PTK2B: variants seen among roughly 807,000 people sequenced by gnomAD.
PTK2B encodes the protein protein-tyrosine kinase 2-beta.
A neutral mutation model predicts 142.9 loss-of-function variants in PTK2B; 71 were observed. The ratio of observed to expected loss-of-function variants is 0.50; its 90% CI spans 0.41 to 0.61. The LOEUF (loss-of-function observed/expected upper bound fraction) is 0.61, where lower values mean the gene tolerates loss of function less well. PTK2B is among the 20% of genes least tolerant of loss of function. PTK2B has a pLI of 0.00. For missense variants in PTK2B, 1,105 were observed against 1,320.4 expected, an observed-to-expected ratio of 0.84 and a Z score of 2.53; for synonymous variants, 519 against 503.4, an observed-to-expected ratio of 1.03 and a Z score of -0.42.
At chr8:27,382,101 C>T (rs1005396011) in intron 1 of PTK2B, among the ~76,000 whole-genome samples, 1 of 152,126 alleles carries the variant, frequency 6.6e-6, no homozygotes, top group African/African-American at 2.4e-5. Context: ...AGGTGCACCA[C>T]CATGCCCAGC....
intron 1 of PTK2B, among the ~76,000 whole-genome samples, chr8:27,367,204 T>C (rs1806067841): frequency 6.6e-6 from 1 of 152,214 alleles, no homozygotes; most frequent in African/African-American, 2.4e-5. Flanking sequence ...ATGAATGGAC[T>C]CATTTGGAAA....
intron 30 of PTK2B, 75 bp downstream of exon 30, chr8:27,454,686 A>G: frequency 6.6e-7 from 1 of 1,507,036 alleles, no homozygotes; most frequent in Non-Finnish European, 9.1e-7. Flanking sequence ...GAGGCTCATG[A>G]TGGCTGCCTG....
intron 5 of PTK2B, among the ~76,000 whole-genome samples, chr8:27,427,864 G>A (rs1477852903): frequency 6.6e-6 from 1 of 152,126 alleles, no homozygotes; most frequent in Non-Finnish European, 1.5e-5. Flanking sequence ...CCAACCTTTT[G>A]GGCACCAGGG....
chr8:27,390,826 C>T (rs1286762243), intron 1 of PTK2B, among the ~76,000 whole-genome samples: 1 of 152,136 alleles, frequency 6.6e-6, no homozygotes, highest in African/African-American at 2.4e-5. Context: ...ATAGTGACCT[C>T]ATGCCCCAAT....
chr8:27,405,943 A>G (rs1183738356), intron 2 of PTK2B, among the ~76,000 whole-genome samples: 7 of 152,208 alleles, frequency 4.6e-5, no homozygotes, highest in Non-Finnish European at 1.0e-4. Flanking sequence ...TCAGTTTTCT[A>G]TGGCTGCCAC....
chr8:27,442,711 CAG>C (rs1491437937), intron 21 of PTK2B, among the ~76,000 whole-genome samples, 162 bp from the exon 22 acceptor site: 1 of 152,212 alleles, frequency 6.6e-6, no homozygotes, highest in Non-Finnish European at 1.5e-5. Flanking sequence ...AAGCCTGTCT[CAG>C]GGGGCTCTCC....
intron 1 of PTK2B, among the ~76,000 whole-genome samples, chr8:27,384,584 A>G (rs2131181900): frequency 6.6e-6 from 1 of 152,382 alleles, no homozygotes; most frequent in Admixed American, 6.5e-5. Context: ...CTACAAACAC[A>G]AGAAAAGGTA....
exon 2 of PTK2B, chr8:27,312,354 A>G (rs895691408): frequency 6.6e-6 from 1 of 152,180 alleles, no homozygotes; most frequent in African/African-American, 2.4e-5. Context: ...GTCTCTCCAA[A>G]GATCTGGCAG....
chr8:27,332,688 C>T (rs1371241657), intron 1 of PTK2B, among the ~76,000 whole-genome samples: 8 of 152,096 alleles, frequency 5.3e-5, no homozygotes, highest in Non-Finnish European at 1.5e-5. Flanking sequence ...CTCAAGCAAT[C>T]CTCCGGCCTC....
In PTK2B at chr8:27,437,184, G is replaced by A; in HGVS notation, c.1404G>A (p.Lys468=). The change falls in exon 16 of 31, where the codon AAG becomes AAA. Residue 468 remains lysine, a synonymous_variant. Coordinates refer to ENST00000346049, the MANE Select transcript of PTK2B (RefSeq NM_173176.3). ...AGAAAGACTGCACTCTGGACAACAA[G>A]GAGAAGTTCATGAGCGAGGCAGGTA... is the stretch of plus-strand genomic sequence containing the variant. The part of the protein sequence containing the change: ...TCKKDCTLDN[K]EKFMSEAVIM... 1.8e-5 allele frequency: 29 copies of A among 1,614,046 alleles called. No homozygotes were observed. The highest frequency in any genetic ancestry group is 2.5e-5 in the Non-Finnish European group (29 of 1,179,938).
At chr8:27,339,295 A>G (rs1804252345) in intron 1 of PTK2B, among the ~76,000 whole-genome samples, 1 of 152,100 alleles carries the variant, frequency 6.6e-6, no homozygotes. Context: ...TGCTCTTTCC[A>G]TCAGCACAAA....
chr8:27,434,536 A>G lies in PTK2B; in HGVS notation c.1169A>G (p.His390Arg). 2 of 1,608,290 alleles carry G rather than the reference A, an allele frequency of 1.2e-6. No individual in the cohort carries two copies. The highest frequency in any genetic ancestry group is 8.5e-7 in the Non-Finnish European group (1 of 1,177,598). ...PMLNLEARRS[H>R]LSESCSIESD... ...AGAAACCTGGAGGCCCGGCGGTCCC[A>G]CCTCTCAGAGAGCTGCAGCATAGGT... Residue 390 changes from histidine to arginine, a missense_variant, in exon 13 of 31, where the codon CAC becomes CGC. His to Arg is a conservative substitution (Grantham distance 29). Coordinates refer to ENST00000346049, the MANE Select transcript of PTK2B (RefSeq NM_173176.3).
At chr8:27,383,828 G>A (rs568089762) in intron 1 of PTK2B, among the ~76,000 whole-genome samples, 1 of 142,932 alleles carries the variant, frequency 7.0e-6, no homozygotes, top group African/African-American at 2.5e-5. Context: ...TGGGGCCACA[G>A]GTGTGCACCA....
chr8:27,362,296 G>A (rs1333743812), intron 1 of PTK2B, among the ~76,000 whole-genome samples: 14 of 152,120 alleles, frequency 9.2e-5, no homozygotes, highest in South Asian at 4.1e-4. Flanking sequence ...CTTCCTGGGC[G>A]TGACTCACAG....
intron 1 of PTK2B, among the ~76,000 whole-genome samples, chr8:27,360,520 C>T (rs903253971): frequency 6.6e-6 from 1 of 152,138 alleles, no homozygotes; most frequent in Non-Finnish European, 1.5e-5. Context: ...CCTTCCAGGT[C>T]CCTCCCTCCT....
chr8:27,437,841 A>G lies in PTK2B; in HGVS notation c.1604A>G (p.Lys535Arg), dbSNP rs1563289078. 3 of 1,613,406 alleles carry G rather than the reference A, an allele frequency of 1.9e-6. No homozygotes were observed. Among genetic ancestry groups the G allele is most frequent in the Non-Finnish European group, 2.5e-6 (3 of 1,179,854 alleles). Residue 535 changes from lysine to arginine, a missense_variant, in exon 18 of 31, where the codon AAA (lysine) becomes AGA (arginine). Lys to Arg is a conservative substitution (Grantham distance 26, BLOSUM62 2). Transcript: ENST00000346049. ...GTGCTGTACTCACTGCAGATATGCA[A>G]AGCCATGGCCTACCTGGAGAGCATC... ...TLVLYSLQIC[K>R]AMAYLESINC...
At chr8:27,365,350 C>T (rs981771910) in intron 1 of PTK2B, among the ~76,000 whole-genome samples, 17 of 152,232 alleles carry the variant, frequency 1.1e-4, no homozygotes, top group African/African-American at 4.1e-4. Flanking sequence ...ATTGTAGTCA[C>T]AATTCCCGCA....
intron 1 of PTK2B, among the ~76,000 whole-genome samples, chr8:27,361,824 A>C (rs1419649715): frequency 1.3e-5 from 2 of 152,012 alleles, no homozygotes; most frequent in African/African-American, 2.4e-5. Flanking sequence ...TGTGAAGTCT[A>C]TCCGCCCCCC....
chr8:27,400,966 T>C (rs1808347290), intron 2 of PTK2B, among the ~76,000 whole-genome samples: 1 of 141,824 alleles, frequency 7.1e-6, no homozygotes, highest in South Asian at 2.3e-4. Flanking sequence ...GCCAACATAG[T>C]GAAACCCCAT....
Sources: allele counts gnomAD v4.1 joint callset (sites outside exome capture counted in the v4.1 genomes callset), GRCh38; gene constraint gnomAD v4.1.1; transcripts MANE v1.5; gene names NCBI Gene and HGNC (gene_info 2026-07-23, HGNC 2026-07-21).